Variants in OR51B5 observed in about 807,000 individuals in gnomAD.
The protein encoded by OR51B5 is olfactory receptor 51B5.
For missense variants in OR51B5, 456 were observed against 374.6 expected (o/e 1.22, Z -1.79); for synonymous variants, 186 against 144.8 (o/e 1.28, Z -2.04).
At chr11:5,352,763 CATACATATACACACACAG>C (rs141637891) in intron 1 of OR51B5, among the ~76,000 whole-genome samples, 39,384 of 149,824 alleles carry the variant, frequency 0.26, 5,420 homozygotes, top group African/African-American at 0.31. Context: ...TACTTACACA[CATACATATACACACACAG>C]ATACATACCC....
chr11:5,500,945 C>T (rs10500644), intron 1 of OR51B5, among the ~76,000 whole-genome samples: 17,008 of 148,038 alleles, frequency 0.11, 2,407 homozygotes, highest in Middle Eastern at 0.14. Context: ...TAGGTTGACA[C>T]TAGGCAGCAT....
chr11:5,395,060 G>C (rs1170764181), intron 1 of OR51B5, among the ~76,000 whole-genome samples: 1 of 152,168 alleles, frequency 6.6e-6, no homozygotes, highest in African/African-American at 2.4e-5. Context: ...CTGGCTCACT[G>C]AAATACCTCC....
downstream of OR51B5, chr11:5,340,623 A>C (rs1848879230): frequency 6.6e-6 from 1 of 152,184 alleles, no homozygotes; most frequent in Admixed American, 6.6e-5. Flanking sequence ...TCAGAAAAAG[A>C]AAGTAGGTAC....
intron 1 of OR51B5, among the ~76,000 whole-genome samples, chr11:5,359,346 A>G (rs1391760437): frequency 5.5e-5 from 8 of 145,346 alleles, no homozygotes; most frequent in East Asian, 2.0e-4. Context: ...TTATACACCA[A>G]TAACAGACAA....
chr11:5,472,142 A>G (rs1851238441), intron 1 of OR51B5, among the ~76,000 whole-genome samples: 1 of 152,238 alleles, frequency 6.6e-6, no homozygotes, highest in Non-Finnish European at 1.5e-5. Context: ...AGAGCTGTAC[A>G]CGCTCAGAAC....
intron 1 of OR51B5, among the ~76,000 whole-genome samples, chr11:5,444,013 C>G (rs541153453): frequency 7.9e-5 from 12 of 152,212 alleles, no homozygotes; most frequent in Non-Finnish European, 1.2e-4. Flanking sequence ...AAAATACTAT[C>G]ATGCAACAAC....
At chr11:5,488,944 A>C (rs1316125182) in intron 1 of OR51B5, 6 of 1,613,902 alleles carry the variant, frequency 3.7e-6, no homozygotes, top group Non-Finnish European at 5.1e-6. Context: ...CAGTTCTACC[A>C]CTGTGCCCAA....
At chr11:5,351,609 C>T in intron 1 of OR51B5, 1 of 1,614,074 alleles carries the variant, frequency 6.2e-7, no homozygotes, top group Non-Finnish European at 8.5e-7. Context: ...CAGCCTACAT[C>T]TCCATACTTC....
At chr11:5,343,437 A>G in exon 1 of OR51B5, 1 of 1,611,328 alleles carries the variant, frequency 6.2e-7, no homozygotes, top group Non-Finnish European at 8.5e-7. Context: ...TACATGAACA[A>G]GAAAAATACG....
At chr11:5,443,313 A>AAT (rs1850718214) in intron 1 of OR51B5, among the ~76,000 whole-genome samples, 1 of 152,050 alleles carries the variant, frequency 6.6e-6, no homozygotes, top group Non-Finnish European at 1.5e-5. Flanking sequence ...CATAATCCCA[A>AAT]ATATATATAG....
chr11:5,416,935 T>A (rs1289050815), intron 1 of OR51B5, among the ~76,000 whole-genome samples: 1 of 149,954 alleles, frequency 6.7e-6, no homozygotes, highest in South Asian at 2.1e-4. Context: ...TACTTTAAAG[T>A]TCATATGGAA....
chr11:5,420,112 TACATA>T (rs1850309181), intron 1 of OR51B5, among the ~76,000 whole-genome samples: 1 of 151,998 alleles, frequency 6.6e-6, no homozygotes, highest in African/African-American at 2.4e-5. Context: ...CTTTTGTTAT[TACATA>T]AAAGTCTATT....
chr11:5,486,756 T>C lies in OR51B5; in HGVS notation n.84+18813A>G, dbSNP rs149654507. ...ACAGCCCTGCACTGGCTGATGCCCA[T>C]GACTTTTTGTTTGCTCTGTATCTTT... On this transcript the variant is annotated intron_variant and non_coding_transcript_variant, in intron 1 of 4. Coordinates refer to the OR51B5 transcript ENST00000415970. 3.2e-3 allele frequency among the ~76,000 whole-genome samples: 482 copies of C among 152,312 alleles called. 1 individual carries two copies. Among genetic ancestry groups the C allele is most frequent in the Non-Finnish European group, 5.0e-3 (341 of 68,012 alleles).
exon 1 of OR51B5, chr11:5,343,515 T>C: frequency 2.2e-6 from 2 of 918,266 alleles, no homozygotes; most frequent in Non-Finnish European, 3.5e-6. Flanking sequence ...GAGCTGCCGC[T>C]GGACGACATC....
chr11:5,429,805 A>G (rs1362420696), intron 1 of OR51B5, among the ~76,000 whole-genome samples: 2 of 152,258 alleles, frequency 1.3e-5, no homozygotes, highest in East Asian at 1.9e-4. Flanking sequence ...TTATTTGCCA[A>G]TAAGTGTTTA....
At chr11:5,347,932 C>T (rs555714174), upstream of OR51B5, among the ~76,000 whole-genome samples, 14 of 152,044 alleles carry the variant, frequency 9.2e-5, no homozygotes, top group South Asian at 2.5e-3. Flanking sequence ...ATCTTTCATA[C>T]GGCTAAAGAT....
chr11:5,493,842 T>C (rs1004913911), intron 1 of OR51B5, among the ~76,000 whole-genome samples: 4 of 152,214 alleles, frequency 2.6e-5, no homozygotes, highest in African/African-American at 9.6e-5. Flanking sequence ...GAATGACACC[T>C]CCAGAAGATG....
intron 1 of OR51B5, among the ~76,000 whole-genome samples, chr11:5,412,051 T>C (rs1020393179): frequency 1.7e-4 from 26 of 152,194 alleles, no homozygotes; most frequent in African/African-American, 6.3e-4. Flanking sequence ...GCTATCACTT[T>C]TGAGGTAATT....
chr11:5,451,453 T>C (rs1467102151), intron 1 of OR51B5, among the ~76,000 whole-genome samples: 1 of 152,216 alleles, frequency 6.6e-6, no homozygotes, highest in Non-Finnish European at 1.5e-5. Context: ...CAAACATCAG[T>C]TCTGGATCCC....
Sources: allele counts gnomAD v4.1 joint callset (sites outside exome capture counted in the v4.1 genomes callset), GRCh38; gene constraint gnomAD v4.1.1; transcripts MANE v1.5; gene names NCBI Gene and HGNC (gene_info 2026-07-23, HGNC 2026-07-21).